Variants in SPIDR observed in about 807,000 individuals in gnomAD.
SPIDR encodes scaffold protein involved in DNA repair, also known as DNA repair-scaffolding protein.
In SPIDR, 93 loss-of-function variants were observed where a neutral mutation model predicts 104.6. The ratio of observed to expected loss-of-function variants is 0.89; its 90% CI spans 0.75 to 1.06. The LOEUF (loss-of-function observed/expected upper bound fraction) is 1.06. Ranked by LOEUF, SPIDR falls within the 50% of genes least tolerant of loss-of-function variation. The pLI, the probability that SPIDR is intolerant of heterozygous loss-of-function variation, is 0.00. For synonymous variants in SPIDR, 431 were observed against 416.9 expected (o/e 1.03, Z -0.41); for missense variants, 1,154 against 1,111.2 (o/e 1.04, Z -0.55).
intron 8 of SPIDR, among the ~76,000 whole-genome samples, chr8:47,542,862 A>C (rs935727481): frequency 1.3e-5 from 2 of 152,220 alleles, no homozygotes; most frequent in African/African-American, 4.8e-5. Context: ...CACCCTCCAG[A>C]ACCCCTAGCA....
intron 8 of SPIDR, among the ~76,000 whole-genome samples, chr8:47,571,785 TAAA>T (rs1255911240): frequency 2.6e-5 from 4 of 152,104 alleles, no homozygotes; most frequent in Non-Finnish European, 4.4e-5. Flanking sequence ...ACAACAATAA[TAAA>T]GTAGAACAAT....
chr8:47,486,036 C>T (rs1315283028), intron 8 of SPIDR, among the ~76,000 whole-genome samples: 1 of 152,220 alleles, frequency 6.6e-6, no homozygotes, highest in African/African-American at 2.4e-5. Context: ...ATGAAGGCTT[C>T]AGATGATCAA....
chr8:47,551,520 T>C (rs924129372), intron 8 of SPIDR, among the ~76,000 whole-genome samples: 2 of 152,198 alleles, frequency 1.3e-5, no homozygotes, highest in African/African-American at 4.8e-5. Context: ...TGTCCAGGAA[T>C]GTATCCATTT....
intron 8 of SPIDR, among the ~76,000 whole-genome samples, chr8:47,497,365 G>T (rs1005487822): frequency 2.6e-5 from 4 of 152,004 alleles, no homozygotes; most frequent in African/African-American, 9.7e-5. Flanking sequence ...TCTAAGCACT[G>T]CTTTAGCTTG....
In SPIDR at chr8:47,595,877, T is replaced by A; in HGVS notation, c.1164T>A (p.Val388=). Reference sequence around the variant, plus strand: ...TGAATACTTACTTTTGTGAGAAAGTTGTTGCCAAAGAAGATTCAGAAAAAA... The same window carrying A: ...TGAATACTTACTTTTGTGAGAAAGTAGTTGCCAAAGAAGATTCAGAAAAAA... The part of the protein sequence containing the change: ...VILNTYFCEK[V]VAKEDSEKTC... The change falls in exon 9 of 20, where the codon GTT becomes GTA. Residue 388 remains valine (V), a synonymous_variant. Coordinates refer to ENST00000297423, the MANE Select transcript of SPIDR (RefSeq NM_001080394.4). 6.2e-7 allele frequency: 1 copy of A among 1,614,248 alleles called. No individual in the cohort carries two copies. The highest frequency in any genetic ancestry group is 8.5e-7 in the Non-Finnish European group (1 of 1,180,036).
At chr8:47,584,689 T>G (rs920111572) in intron 8 of SPIDR, among the ~76,000 whole-genome samples, 17 of 152,240 alleles carry the variant, frequency 1.1e-4, no homozygotes, top group Non-Finnish European at 2.4e-4. Flanking sequence ...TCTTCTTAGC[T>G]GTTAAAACAG....
intron 8 of SPIDR, among the ~76,000 whole-genome samples, chr8:47,503,855 G>T (rs560387640): frequency 2.0e-5 from 3 of 152,242 alleles, no homozygotes; most frequent in African/African-American, 7.2e-5. Flanking sequence ...CTCAGCATTT[G>T]TTTGTCTGTA....
chr8:47,263,559 T>A lies in SPIDR; in HGVS notation c.33+2568T>A, dbSNP rs553515454. On this transcript the variant is annotated intron_variant, in intron 1 of 19. Coordinates refer to ENST00000297423, the MANE Select transcript of SPIDR (RefSeq NM_001080394.4). ...TGGTCTCGATCTCCTGACGTCGTGA[T>A]CCGCCCGCCTCGGCCTCCCAAAGTG... Among the ~76,000 whole-genome samples the A allele has an allele frequency of 5.1e-4, 78 of 152,320 alleles. 2 individuals carry two copies. Among genetic ancestry groups the A allele is most frequent in the Middle Eastern group, 3.4e-3 (1 of 294 alleles).
chr8:47,486,082 C>G (rs10957549), intron 8 of SPIDR, among the ~76,000 whole-genome samples: 1 of 152,102 alleles, frequency 6.6e-6, no homozygotes, highest in Admixed American at 6.5e-5. Context: ...TTGAACCCAT[C>G]GCAAAGCAGC....
At chr8:47,668,718 G>A (rs1036620170) in intron 10 of SPIDR, among the ~76,000 whole-genome samples, 1 of 152,178 alleles carries the variant, frequency 6.6e-6, no homozygotes, top group African/African-American at 2.4e-5. Context: ...ATTATGAAAT[G>A]ATTGCATGAA....
At chr8:47,649,893 C>A (rs2071293650) in intron 10 of SPIDR, among the ~76,000 whole-genome samples, 1 of 152,064 alleles carries the variant, frequency 6.6e-6, no homozygotes, top group African/African-American at 2.4e-5. Flanking sequence ...AAAAAGCATT[C>A]AATAAAATCC....
intron 5 of SPIDR, among the ~76,000 whole-genome samples, chr8:47,300,009 T>A (rs1767625039): frequency 6.6e-6 from 1 of 152,234 alleles, no homozygotes; most frequent in African/African-American, 2.4e-5. Context: ...TTCATTGGAA[T>A]AGTTTCAGAA....
In SPIDR at chr8:47,570,771, A is replaced by G. The variant is rs140861874; in HGVS notation, c.1098-25040A>G. Among the ~76,000 whole-genome samples the G allele has an allele frequency of 7.8e-4, 119 of 152,342 alleles. 2 individuals are homozygous for G. In the East Asian group the frequency reaches 0.02, roughly 26 times the overall value. ...ATCTGAAAAGATTCTTTCTGCAAAG[A>G]AGATATACAATAAGAGTAATGATTA... On this transcript the variant is annotated intron_variant, in intron 8 of 19. Coordinates refer to ENST00000297423, the MANE Select transcript of SPIDR (RefSeq NM_001080394.4).
In SPIDR at chr8:47,301,703, A is replaced by T. The variant is rs2042115448; in HGVS notation, c.525+7673A>T. 2.2e-5 allele frequency among the ~76,000 whole-genome samples: 3 copies of T among 135,440 alleles called. No homozygotes were observed. The East Asian group carries it at 6.2e-4, about 28-fold the overall frequency. The allele number at this position is 135,440 out of a possible 152,430, so 88.9% of individuals were successfully genotyped here. ...GGATTTTATTTCTCCTTCACTCATG[A>T]AGCTTAGTTTGGCTGGATATGAAAT... On this transcript the variant is annotated intron_variant, in intron 5 of 19. Transcript: ENST00000297423.
chr8:47,280,252 A>AT (rs1337803199), intron 2 of SPIDR, among the ~76,000 whole-genome samples: 2 of 143,026 alleles, frequency 1.4e-5, no homozygotes, highest in African/African-American at 2.6e-5. Context: ...TTATTTATTT[A>AT]TTTTTTTTGG....
At chr8:47,471,513 A>G (rs1235402793) in intron 8 of SPIDR, among the ~76,000 whole-genome samples, 2 of 152,196 alleles carry the variant, frequency 1.3e-5, no homozygotes, top group Admixed American at 6.5e-5. Context: ...GAGAATAACA[A>G]TTGTTGGCAA....
chr8:47,522,329 T>C (rs1197734057), intron 8 of SPIDR, among the ~76,000 whole-genome samples: 1 of 152,208 alleles, frequency 6.6e-6, no homozygotes, highest in African/African-American at 2.4e-5. Flanking sequence ...ACAATAAATA[T>C]GTAACTGTAT....
At chr8:47,367,452 C>T (rs1167835661) in intron 5 of SPIDR, among the ~76,000 whole-genome samples, 1 of 152,206 alleles carries the variant, frequency 6.6e-6, no homozygotes, top group Non-Finnish European at 1.5e-5. Context: ...CTTCTGACTT[C>T]TGGAGCTGGG....
At chr8:47,630,585 TC>T (rs1447201136) in intron 10 of SPIDR, among the ~76,000 whole-genome samples, 1 of 152,196 alleles carries the variant, frequency 6.6e-6, no homozygotes, top group Non-Finnish European at 1.5e-5. Context: ...CAGATGCAGT[TC>T]CCTACATCCA....
Sources: gnomAD v4.1 joint callset for allele counts (sites outside exome capture counted in the v4.1 genomes callset) on GRCh38, gnomAD v4.1.1 for gene constraint, MANE v1.5 for transcripts, NCBI Gene and HGNC (gene_info 2026-07-23, HGNC 2026-07-21) for gene names.